The following ACO1 variants were observed in gnomAD, a reference collection of about 807,000 sequenced individuals.
The protein encoded by ACO1 is cytoplasmic aconitate hydratase.
Under a neutral mutation model 105.1 loss-of-function variants are expected in ACO1, and 78 were observed. The ratio of observed to expected loss-of-function variants is 0.74; its 90% confidence interval spans 0.62 to 0.90. The LOEUF is 0.90. Ranked by LOEUF, ACO1 falls within the 40% of genes least tolerant of loss-of-function variation. The probability of loss-of-function intolerance (pLI) is 0.00; values close to 1 mark genes in which losing one functional copy is unlikely to be tolerated. For missense variants in ACO1, 965 were observed against 1,111.1 expected, an observed-to-expected ratio of 0.87 and a Z score of 1.87; for synonymous variants, 364 against 397.4, an observed-to-expected ratio of 0.92 and a Z score of 1.00.
chr9:32,444,220 A>G (rs573456543), intron 19 of ACO1, among the ~76,000 whole-genome samples: 2 of 152,238 alleles, frequency 1.3e-5, no homozygotes, highest in South Asian at 2.1e-4. Flanking sequence ...CAGTCTATCA[A>G]TCATTGATGG....
chr9:32,436,239 T>C lies in ACO1; in HGVS notation c.2100-11T>C. On this transcript the variant is annotated splice_polypyrimidine_tract_variant and intron_variant, in intron 17 of 20. Coordinates refer to ENST00000309951, the MANE Select transcript of ACO1 (RefSeq NM_002197.3). ...TCACTAAGCCAGCTCCTTTCTTGCT[T>C]GCCTTCTTAGCCTAACTCCACGAGA... is the stretch of plus-strand genomic sequence containing the variant. 6.2e-7 allele frequency: 1 copy of C among 1,613,714 alleles called. No individual in the cohort carries two copies. Among genetic ancestry groups the C allele is most frequent in the Non-Finnish European group, 8.5e-7 (1 of 1,179,584 alleles).
At chr9:32,401,362 A>C in intron 1 of ACO1, among the ~76,000 whole-genome samples, 1 of 150,506 alleles carries the variant, frequency 6.6e-6, no homozygotes. Context: ...GGAAATTTGC[A>C]TTTCACTGGA....
intron 8 of ACO1, among the ~76,000 whole-genome samples, chr9:32,422,778 A>G (rs1412188997): frequency 6.6e-6 from 1 of 152,202 alleles, no homozygotes; most frequent in Non-Finnish European, 1.5e-5. Flanking sequence ...CCTTATCCAT[A>G]AATGAGAATA....
At chr9:32,408,882 G>A (rs1394132300) in intron 4 of ACO1, among the ~76,000 whole-genome samples, 1 of 152,194 alleles carries the variant, frequency 6.6e-6, no homozygotes, top group Non-Finnish European at 1.5e-5. Flanking sequence ...GGAGCAGCCT[G>A]CATTTGAATC....
At chr9:32,414,947 C>T (rs1821816863) in intron 4 of ACO1, among the ~76,000 whole-genome samples, 1 of 152,136 alleles carries the variant, frequency 6.6e-6, no homozygotes, top group African/African-American at 2.4e-5. Flanking sequence ...GTAGTCACCA[C>T]AGAGAAGGGG....
intron 19 of ACO1, among the ~76,000 whole-genome samples, chr9:32,441,431 A>G (rs1437994371): frequency 6.6e-6 from 1 of 152,158 alleles, no homozygotes; most frequent in Non-Finnish European, 1.5e-5. Flanking sequence ...TCATATCCAC[A>G]AGTACAGTAA....
At chr9:32,415,155 G>A (rs1325729536) in intron 4 of ACO1, among the ~76,000 whole-genome samples, 1 of 152,168 alleles carries the variant, frequency 6.6e-6, no homozygotes, top group Non-Finnish European at 1.5e-5. Context: ...AGCTTGGACT[G>A]GAGGCTAGGA....
At chr9:32,393,513 TATG>T (rs1441452083) in intron 1 of ACO1, among the ~76,000 whole-genome samples, 1 of 152,216 alleles carries the variant, frequency 6.6e-6, no homozygotes, top group Non-Finnish European at 1.5e-5. Flanking sequence ...GCCTCAGTCT[TATG>T]GTCCTGTGAT....
intron 1 of ACO1, among the ~76,000 whole-genome samples, chr9:32,395,877 T>A (rs1045110828): frequency 1.6e-4 from 25 of 152,262 alleles, no homozygotes; most frequent in African/African-American, 6.0e-4. Context: ...GCAACTAATT[T>A]AAAACGAGCT....
chr9:32,394,878 C>T (rs1821339611), intron 1 of ACO1, among the ~76,000 whole-genome samples: 1 of 152,134 alleles, frequency 6.6e-6, no homozygotes, highest in Non-Finnish European at 1.5e-5. Flanking sequence ...CCTGATGAGA[C>T]CAGGTTGGTG....
chr9:32,403,707 C>G (rs745741805), intron 1 of ACO1, among the ~76,000 whole-genome samples: 5 of 152,096 alleles, frequency 3.3e-5, no homozygotes, highest in Non-Finnish European at 7.4e-5. Flanking sequence ...CTTTAGGATT[C>G]GACACAGAGA....
intron 4 of ACO1, among the ~76,000 whole-genome samples, chr9:32,416,786 C>G (rs1314355885): frequency 6.6e-6 from 1 of 152,186 alleles, no homozygotes; most frequent in East Asian, 1.9e-4. Flanking sequence ...CCAGTCAGAC[C>G]TAGGCTCAGA....
At chr9:32,424,727 G>A (rs1382988751) in intron 10 of ACO1, 62 bp downstream of exon 10, 12 of 1,142,102 alleles carry the variant, frequency 1.1e-5, no homozygotes, top group South Asian at 3.9e-5. Flanking sequence ...GTTACTCAGC[G>A]TCCAGGCTTT....
At chr9:32,414,463 A>G (rs1367668573) in intron 4 of ACO1, among the ~76,000 whole-genome samples, 4 of 152,230 alleles carry the variant, frequency 2.6e-5, no homozygotes, top group Non-Finnish European at 5.9e-5. Context: ...CAAGCTCCAT[A>G]TAATAGATGT....
chr9:32,426,517 A>C (rs1822101705), intron 11 of ACO1, among the ~76,000 whole-genome samples: 1 of 152,142 alleles, frequency 6.6e-6, no homozygotes, highest in Non-Finnish European at 1.5e-5. Context: ...CCAAGTTTTT[A>C]GTCATCCCCA....
intron 2 of ACO1, 22 bp downstream of exon 2, chr9:32,405,625 C>A: frequency 1.3e-6 from 2 of 1,508,192 alleles, no homozygotes; most frequent in Non-Finnish European, 1.8e-6. Context: ...GCTGTGATAG[C>A]AATTGGAATC....
Position 32,430,414 on chromosome 9 carries a change from T to C in ACO1, c.1570-4T>C. On this transcript the variant is annotated splice_region_variant and splice_polypyrimidine_tract_variant and intron_variant, in intron 13 of 20. Transcript: ENST00000309951. ...TGACCTGATTTTTCTCTTGCCTTAC[T>C]CAGGGAGACCTTGTAGCTGTTGGAG... 1 of 1,606,300 alleles carries C rather than the reference T, an allele frequency of 6.2e-7. No individual in the cohort carries two copies. Among genetic ancestry groups the C allele is most frequent in the Non-Finnish European group, 8.5e-7 (1 of 1,177,184 alleles).
intron 1 of ACO1, among the ~76,000 whole-genome samples, chr9:32,399,020 A>G (rs1363539631): frequency 6.6e-6 from 1 of 152,244 alleles, no homozygotes; most frequent in Non-Finnish European, 1.5e-5. Context: ...TAAGATAATC[A>G]TCCCCTTTCC....
In ACO1 at chr9:32,430,547, A is replaced by C. The variant is rs1822204454; in HGVS notation, c.1699A>C (p.Arg567=). Reference sequence around the variant, plus strand: ...AGCATATGCAATTGCTGGAACCATCAGAATCGACTTTGAGAAAGAGCCATT... The same window carrying C: ...AGCATATGCAATTGCTGGAACCATCCGAATCGACTTTGAGAAAGAGCCATT... The part of the protein sequence containing the change: ...VIAYAIAGTI[R]IDFEKEPLGV... The change falls in exon 14 of 21, where the codon AGA becomes CGA. Residue 567 remains arginine (R), a synonymous_variant. Transcript: ENST00000309951. 1 of 1,607,238 alleles carries C rather than the reference A, an allele frequency of 6.2e-7. No homozygotes were observed. The highest frequency in any genetic ancestry group is 1.3e-5 in the African/African-American group (1 of 74,648).
Sources: gnomAD v4.1 joint callset for allele counts (sites outside exome capture counted in the v4.1 genomes callset) on GRCh38, gnomAD v4.1.1 for gene constraint, MANE v1.5 for transcripts, NCBI Gene and HGNC (gene_info 2026-07-23, HGNC 2026-07-21) for gene names.